The following C12orf42 variants were observed in gnomAD, a reference collection of about 807,000 sequenced individuals.
C12orf42 encodes the protein chromosome 12 open reading frame 42.
A neutral mutation model predicts 21.6 loss-of-function variants in C12orf42; 25 were observed. That is an observed-to-expected ratio of 1.16 (90% CI 0.84 to 1.62). The LOEUF is 1.62. Among genes scored for constraint, C12orf42 ranks in the 40% most tolerant of loss-of-function variants. C12orf42 has a pLI of 0.00. For synonymous variants in C12orf42, 174 were observed against 175.0 expected (o/e 0.99, Z 0.05); for missense variants, 483 against 459.3 (o/e 1.05, Z -0.47).
the C12orf42 span, among the ~76,000 whole-genome samples, chr12:103,509,513 G>C: frequency 1.4e-4 from 21 of 152,092 alleles, no homozygotes; most frequent in Non-Finnish European, 2.6e-4. Flanking sequence ...AAAGAAAATG[G>C]TAAATTGAAG....
chr12:103,066,814 G>GTT, the C12orf42 span, among the ~76,000 whole-genome samples: 1 of 152,238 alleles, frequency 6.6e-6, no homozygotes, highest in Non-Finnish European at 1.5e-5. Flanking sequence ...TGTATCCCAT[G>GTT]TGAGTTCTCA....
At chr12:103,453,538 CT>C (rs1952090511) in intron 2 of C12orf42, among the ~76,000 whole-genome samples, 1 of 151,788 alleles carries the variant, frequency 6.6e-6, no homozygotes, top group South Asian at 2.1e-4. Flanking sequence ...GTTTAATGAG[CT>C]TTTCTGTTTA....
At chr12:103,387,727 G>A (rs910022319) in intron 3 of C12orf42, among the ~76,000 whole-genome samples, 1 of 152,138 alleles carries the variant, frequency 6.6e-6, no homozygotes, top group African/African-American at 2.4e-5. Context: ...CTTTCGTCTT[G>A]CTCACTGTCT....
intron 10 of C12orf42, among the ~76,000 whole-genome samples, chr12:103,247,623 T>C (rs1374106230): frequency 6.6e-6 from 1 of 152,020 alleles, no homozygotes; most frequent in African/African-American, 2.4e-5. Context: ...AATTCTTCTT[T>C]TCCTTTCTAA....
chr12:103,511,368 T>C, the C12orf42 span, among the ~76,000 whole-genome samples: 1 of 149,926 alleles, frequency 6.7e-6, no homozygotes. Flanking sequence ...ATATAACTTA[T>C]ATAGTATACA....
chr12:103,442,121 G>C (rs1248994916), intron 2 of C12orf42, among the ~76,000 whole-genome samples: 1 of 152,150 alleles, frequency 6.6e-6, no homozygotes, highest in African/African-American at 2.4e-5. Context: ...TCCAGCCTGA[G>C]TGGCAGAGAA....
At chr12:103,279,255 G>A (rs1005108613) in intron 4 of C12orf42, among the ~76,000 whole-genome samples, 1 of 152,074 alleles carries the variant, frequency 6.6e-6, no homozygotes. Context: ...ACACCAAATG[G>A]GCAGGAGGAA....
At chr12:103,499,001 C>T (rs992968833), upstream of C12orf42, among the ~76,000 whole-genome samples, 2 of 151,566 alleles carry the variant, frequency 1.3e-5, no homozygotes, top group African/African-American at 4.9e-5. Flanking sequence ...CAAACCTGCA[C>T]ATGTACCCCA....
chr12:103,563,029 G>C, the C12orf42 span, among the ~76,000 whole-genome samples: 3 of 152,206 alleles, frequency 2.0e-5, no homozygotes, highest in Non-Finnish European at 4.4e-5. Flanking sequence ...GTTTGGATTC[G>C]CTTGATGAAT....
intron 2 of C12orf42, among the ~76,000 whole-genome samples, chr12:103,428,622 T>G (rs7299547): frequency 0.83 from 125,757 of 152,128 alleles, 52,008 homozygotes; most frequent in Admixed American, 0.88. Flanking sequence ...ATTGTATGAG[T>G]CCAATGTCAT....
At chr12:103,129,736 C>T in the C12orf42 span, among the ~76,000 whole-genome samples, 1 of 152,220 alleles carries the variant, frequency 6.6e-6, no homozygotes, top group Non-Finnish European at 1.5e-5. Flanking sequence ...CCAGTCTTCA[C>T]TGTCCTCCAT....
chr12:103,391,950 T>C (rs933876299), intron 3 of C12orf42, among the ~76,000 whole-genome samples: 2 of 152,206 alleles, frequency 1.3e-5, no homozygotes, highest in Non-Finnish European at 2.9e-5. Context: ...CTGAATTTTA[T>C]AGCTTTAGCT....
the C12orf42 span, among the ~76,000 whole-genome samples, chr12:103,212,538 T>G: frequency 1.3e-5 from 2 of 152,136 alleles, no homozygotes; most frequent in Non-Finnish European, 2.9e-5. Flanking sequence ...GGTTCAGATT[T>G]TGGGGGGAGG....
chr12:103,129,184 G>C, the C12orf42 span, among the ~76,000 whole-genome samples: 1 of 152,206 alleles, frequency 6.6e-6, no homozygotes, highest in Non-Finnish European at 1.5e-5. Context: ...CTGTGGACTA[G>C]AGGGTAGAAA....
intron 3 of C12orf42, among the ~76,000 whole-genome samples, chr12:103,399,072 A>T (rs1226112226): frequency 6.6e-6 from 1 of 151,994 alleles, no homozygotes; most frequent in Non-Finnish European, 1.5e-5. Flanking sequence ...AATGTTTTAT[A>T]CATTTTTCCA....
intron 4 of C12orf42, among the ~76,000 whole-genome samples, chr12:103,351,806 T>C (rs1050840660): frequency 4.6e-5 from 7 of 152,164 alleles, no homozygotes; most frequent in Non-Finnish European, 7.3e-5. Context: ...TAATTGAAGA[T>C]TAATTTAAAT....
the C12orf42 span, among the ~76,000 whole-genome samples, chr12:103,561,298 G>T: frequency 6.6e-6 from 1 of 152,164 alleles, no homozygotes; most frequent in African/African-American, 2.4e-5. Context: ...TGAAGAAAGG[G>T]TTTGCCTTAG....
At chr12:103,487,219 A>C (rs1954893566) in intron 1 of C12orf42, among the ~76,000 whole-genome samples, 1 of 152,218 alleles carries the variant, frequency 6.6e-6, no homozygotes, top group South Asian at 2.1e-4. Flanking sequence ...TTTACCCAGT[A>C]GTCATTCAGG....
At chr12:103,545,565 A>G in the C12orf42 span, among the ~76,000 whole-genome samples, 1 of 152,210 alleles carries the variant, frequency 6.6e-6, no homozygotes, top group Non-Finnish European at 1.5e-5. Flanking sequence ...TGTGCAATAA[A>G]ATATTCTTCC....
Sources: allele counts gnomAD v4.1 joint callset (sites outside exome capture counted in the v4.1 genomes callset), GRCh38; gene constraint gnomAD v4.1.1; transcripts MANE v1.5; gene names NCBI Gene and HGNC (gene_info 2026-07-23, HGNC 2026-07-21).